Variants in KCNE3 observed in about 807,000 individuals in gnomAD.
The protein encoded by KCNE3 is potassium voltage-gated channel subfamily E member 3.
KCNE3 carries 2 observed loss-of-function variants against 4.3 expected under a neutral mutation model. That is an observed-to-expected ratio of 0.47 (90% CI 0.19 to 1.48). The LOEUF (loss-of-function observed/expected upper bound fraction) is 1.48, where lower values mean the gene tolerates loss of function less well. Among genes scored for constraint, KCNE3 ranks in the 40% most tolerant of loss-of-function variants. KCNE3 has a pLI of 0.25. For missense variants in KCNE3, 128 were observed against 136.8 expected (o/e 0.94, Z 0.32); for synonymous variants, 47 against 52.0 (o/e 0.90, Z 0.41).
chr11:74,460,670 G>A (rs1053897403), intron 2 of KCNE3, among the ~76,000 whole-genome samples: 2 of 152,216 alleles, frequency 1.3e-5, no homozygotes, highest in African/African-American at 2.4e-5. Context: ...ATGTGTGGAA[G>A]AATAGTGTAG....
Position 74,456,788 on chromosome 11 carries a change from C to G in KCNE3, c.*464G>C, listed in dbSNP as rs543280723. 7.5e-5 allele frequency: 17 copies of G among 225,258 alleles called. 1 individual carries two copies. The East Asian group carries it at 2.0e-3, about 26-fold the overall frequency. 14.0% of individuals were successfully genotyped at this position (225,258 alleles called of 1,614,324 possible). On this transcript the variant is annotated 3_prime_UTR_variant, in exon 3 of 3. Transcript: ENST00000310128. ...CACAGCACTTGCCCTGCTTTCTTCA[C>G]GGGAGCGGGGGCAGGGTGGTGGTGG...
At chr11:74,458,479 A>G (rs2135006528) in intron 2 of KCNE3, among the ~76,000 whole-genome samples, 1 of 152,316 alleles carries the variant, frequency 6.6e-6, no homozygotes, top group East Asian at 1.9e-4. Context: ...TCTCAGCAGG[A>G]CTGTGCAGCA....
chr11:74,462,713 G>A (rs914784478), intron 1 of KCNE3: 1 of 152,198 alleles, frequency 6.6e-6, no homozygotes, highest in Non-Finnish European at 1.5e-5. Context: ...AGGCTGGAAG[G>A]GCCTTCAGAG....
rs1232942073 is a variant in KCNE3, at chr11:74,455,565, G to A, written c.*1687C>T. 6.6e-6 allele frequency: 1 copy of A among 152,190 alleles called. No individual in the cohort carries two copies. The highest frequency in any genetic ancestry group is 2.4e-5 in the African/African-American group (1 of 41,450). 9.4% of individuals were successfully genotyped at this position (152,190 alleles called of 1,614,324 possible). On this transcript the variant is annotated 3_prime_UTR_variant, in exon 3 of 3. Coordinates refer to ENST00000310128, the MANE Select transcript of KCNE3 (RefSeq NM_005472.5). ...CAAGTCTATTTCATTATGTTGAAGA[G>A]GAAAACGGATGAGGGAGAGAAGTGT...
chr11:74,456,306 T>G lies in KCNE3; in HGVS notation c.*946A>C. 1 of 140,362 alleles carries G rather than the reference T, an allele frequency of 7.1e-6. No individual in the cohort carries two copies. Among genetic ancestry groups the G allele is most frequent in the Admixed American group, 7.3e-5 (1 of 13,674 alleles). The allele number at this position is 140,362 out of a possible 1,614,324, so 8.7% of individuals were successfully genotyped here. On this transcript the variant is annotated 3_prime_UTR_variant, in exon 3 of 3. Coordinates refer to ENST00000310128, the MANE Select transcript of KCNE3 (RefSeq NM_005472.5). Reference sequence around the variant, plus strand: ...AAGATTGGGTTGCTGCACCACAGCCTGGGTGACATAGGGAGACTGTCTCAA... The same window carrying G: ...AAGATTGGGTTGCTGCACCACAGCCGGGGTGACATAGGGAGACTGTCTCAA...
chr11:74,456,947 C>T lies in KCNE3; in HGVS notation c.*305G>A, dbSNP rs1158494619. ...AACTTCTTCTCCGTTCTCCAATCCC[C>T]AGGCCCCTAATACTCCAGCCACTGA... On this transcript the variant is annotated 3_prime_UTR_variant, in exon 3 of 3. Transcript: ENST00000310128. 2 of 421,296 alleles carry T rather than the reference C, an allele frequency of 4.7e-6. No homozygotes were observed. Among genetic ancestry groups the T allele is most frequent in the South Asian group, 2.6e-5 (1 of 38,612 alleles). The allele number at this position is 421,296 out of a possible 1,614,324, so 26.1% of individuals were successfully genotyped here. A position where few individuals can be genotyped will look rare whatever the true frequency, so the allele number is the denominator to read the frequency against.
intron 2 of KCNE3, among the ~76,000 whole-genome samples, chr11:74,459,258 CATT>C (rs1417203430): frequency 1.9e-5 from 2 of 103,336 alleles, no homozygotes; most frequent in Non-Finnish European, 4.2e-5. Context: ...ATATAGAAAA[CATT>C]TTTTTTTTTT....
At chr11:74,459,355 G>A (rs1320663467) in intron 2 of KCNE3, among the ~76,000 whole-genome samples, 1 of 143,996 alleles carries the variant, frequency 6.9e-6, no homozygotes, top group Non-Finnish European at 1.5e-5. Flanking sequence ...TCCGCCTCCT[G>A]GGTTCACGCC....
intron 1 of KCNE3, among the ~76,000 whole-genome samples, chr11:74,464,772 T>C (rs1000400371): frequency 2.0e-5 from 3 of 152,192 alleles, no homozygotes; most frequent in African/African-American, 7.2e-5. Context: ...CCTTGAAATG[T>C]GACTCTGACA....
intron 2 of KCNE3, among the ~76,000 whole-genome samples, chr11:74,460,017 A>G (rs1396657874): frequency 1.3e-5 from 2 of 152,246 alleles, no homozygotes; most frequent in East Asian, 1.9e-4. Context: ...TAACAAACTA[A>G]TATGTGACTA....
chr11:74,459,817 A>G (rs1188438598), intron 2 of KCNE3, among the ~76,000 whole-genome samples: 1 of 152,146 alleles, frequency 6.6e-6, no homozygotes, highest in Non-Finnish European at 1.5e-5. Context: ...CTCTTACCCC[A>G]GTCTGGAGGA....
intron 1 of KCNE3, among the ~76,000 whole-genome samples, chr11:74,465,301 A>G (rs955128202): frequency 1.3e-5 from 2 of 152,208 alleles, no homozygotes; most frequent in East Asian, 3.9e-4. Context: ...ACGCACATAC[A>G]TTCATGAAAA....
intron 2 of KCNE3, among the ~76,000 whole-genome samples, chr11:74,458,090 A>C (rs544648752): frequency 1.3e-5 from 2 of 152,268 alleles, no homozygotes; most frequent in South Asian, 4.1e-4. Context: ...GCTTGATTAC[A>C]TGTTTGTCTT....
intron 1 of KCNE3, among the ~76,000 whole-genome samples, chr11:74,463,378 C>T (rs1013575029): frequency 2.0e-5 from 3 of 152,120 alleles, no homozygotes; most frequent in African/African-American, 7.2e-5. Context: ...CCAGGGCCTC[C>T]TGTCTGCGTT....
rs749496477 is a variant in KCNE3, at chr11:74,457,399, G to A, written c.165C>T (p.Asp55=). 5 of 1,613,988 alleles carry A rather than the reference G, an allele frequency of 3.1e-6. No individual in the cohort carries two copies. The highest frequency in any genetic ancestry group is 4.2e-6 in the Non-Finnish European group (5 of 1,179,838). Residue 55 remains aspartate (D), a synonymous_variant, in exon 3 of 3, where the codon GAC becomes GAT. Transcript: ENST00000310128. ...CAAAGAGAATGTACATGTAGGAGTT[G>A]TCATCACGGCCAGGTAGGCTGGCCC... The part of the protein sequence containing the change: ...ERRASLPGRD[D]NSYMYILFVM...
chr11:74,455,487 C>T lies in KCNE3; in HGVS notation c.*1765G>A, dbSNP rs939195184. 1.3e-5 allele frequency: 2 copies of T among 152,166 alleles called. No homozygotes were observed. Among genetic ancestry groups the T allele is most frequent in the Admixed American group, 6.5e-5 (1 of 15,274 alleles). 9.4% of individuals were successfully genotyped at this position (152,166 alleles called of 1,614,324 possible). The stretch of plus-strand genomic sequence containing the variant: ...AACACAGTGATTACATATGGCTCAA[C>T]TTAATGTATATGAAGCCTAGAATGT... On this transcript the variant is annotated 3_prime_UTR_variant, in exon 3 of 3. Coordinates refer to ENST00000310128, the MANE Select transcript of KCNE3 (RefSeq NM_005472.5).
chr11:74,461,942 C>T lies in KCNE3; in HGVS notation c.-41+13G>A, dbSNP rs4468377. Reference sequence around the variant, plus strand: ...CAGGGAGAGGGAGGGAAATCTCAATCTGGAAGACTCACCAGACTGCTGGCA... The same window carrying T: ...CAGGGAGAGGGAGGGAAATCTCAATTTGGAAGACTCACCAGACTGCTGGCA... On this transcript the variant is annotated intron_variant, in intron 2 of 2. Transcript: ENST00000310128. The T allele has an allele frequency of 1.3e-5, 2 of 152,210 alleles. No individual in the cohort carries two copies. The highest frequency in any genetic ancestry group is 4.8e-5 in the African/African-American group (2 of 41,450). The allele number at this position is 152,210 out of a possible 1,614,324, so 9.4% of individuals were successfully genotyped here. A position where few individuals can be genotyped will look rare whatever the true frequency, so the allele number is the denominator to read the frequency against.
chr11:74,458,858 A>G (rs1217826482), intron 2 of KCNE3, among the ~76,000 whole-genome samples: 1 of 151,772 alleles, frequency 6.6e-6, no homozygotes, highest in African/African-American at 2.4e-5. Context: ...AAAAGACTCC[A>G]CGGACACCTT....
intron 2 of KCNE3, 84 bp from the exon 3 acceptor site, chr11:74,457,687 C>A (rs1863855461): frequency 1.1e-6 from 1 of 882,764 alleles, no homozygotes; most frequent in Admixed American, 1.9e-5. Flanking sequence ...CAGGTAAAAT[C>A]TTAGCATCAT....
Sources: allele counts gnomAD v4.1 joint callset (sites outside exome capture counted in the v4.1 genomes callset), GRCh38; gene constraint gnomAD v4.1.1; transcripts MANE v1.5; gene names NCBI Gene and HGNC (gene_info 2026-07-23, HGNC 2026-07-21).